The following XPO1 variants were observed in gnomAD, a reference collection of about 807,000 sequenced individuals.
The protein encoded by XPO1 is exportin 1.
XPO1 carries 5 observed loss-of-function variants against 133.3 expected under a neutral mutation model. The observed-to-expected ratio is 0.04, with a 90% CI of 0.02 to 0.08. The LOEUF is 0.08. Ranked by LOEUF, XPO1 falls within the 10% of genes least tolerant of loss-of-function variation. The probability of loss-of-function intolerance (pLI) is 1.00; values close to 1 mark genes in which losing one functional copy is unlikely to be tolerated. For synonymous variants in XPO1, 419 were observed against 408.2 expected, an observed-to-expected ratio of 1.03 and a Z score of -0.32; for missense variants, 506 against 1,267.5, an observed-to-expected ratio of 0.40 and a Z score of 9.12.
intron 4 of XPO1, among the ~76,000 whole-genome samples, chr2:61,513,423 T>C (rs1698196472): frequency 6.7e-6 from 1 of 149,666 alleles, no homozygotes; most frequent in Non-Finnish European, 1.5e-5. Context: ...TGGAGGGCAG[T>C]GGTGTGATCT....
chr2:61,533,625 C>A, intron 2 of XPO1, 147 bp downstream of exon 2: 1 of 1,021,144 alleles, frequency 9.8e-7, no homozygotes, highest in Non-Finnish European at 1.3e-6. Flanking sequence ...TTCTCCAAAC[C>A]AATTTTCATT....
chr2:61,484,249 C>T, intron 20 of XPO1, 144 bp from the exon 21 acceptor site: 3 of 653,806 alleles, frequency 4.6e-6, no homozygotes, highest in African/African-American at 1.8e-5. Context: ...AAAGGTAAAC[C>T]CAAGTAAAAT....
Position 61,492,023 on chromosome 2 carries a change from T to C in XPO1, c.1887+12A>G, listed in dbSNP as rs746211759. 1.2e-6 allele frequency: 2 copies of C among 1,614,026 alleles called. No individual in the cohort carries two copies. Among genetic ancestry groups the C allele is most frequent in the Admixed American group, 3.3e-5 (2 of 59,984 alleles). On this transcript the variant is annotated intron_variant, in intron 16 of 24. Coordinates refer to ENST00000401558, the MANE Select transcript of XPO1 (RefSeq NM_003400.4). The surrounding 1 kb of genome is among the most constrained non-coding windows in gnomAD (Gnocchi z 5.6). ...CTTTCTAAAAATAACATATGCTCAGTGCTTAACATACCTGTTGAGGCTGAA... is the reference window on the plus strand; with the variant it reads ...CTTTCTAAAAATAACATATGCTCAGCGCTTAACATACCTGTTGAGGCTGAA...
At chr2:61,525,498 C>G in intron 3 of XPO1, 2 of 1,009,622 alleles carry the variant, frequency 2.0e-6, no homozygotes, top group Non-Finnish European at 2.4e-6. Flanking sequence ...TTACCTGTTG[C>G]TTTCTTTCTG....
chr2:61,499,953 C>G (rs559106774), intron 6 of XPO1, 59 bp from the exon 7 acceptor site: 1 of 1,514,190 alleles, frequency 6.6e-7, no homozygotes, highest in Non-Finnish European at 9.0e-7. Flanking sequence ...ATAAAACAAA[C>G]TTCAAAGAAA....
At chr2:61,538,434 C>A, upstream of XPO1, 1 of 153,280 alleles carries the variant, frequency 6.5e-6, no homozygotes, top group Non-Finnish European at 1.5e-5. Context: ...CTCATTGGCC[C>A]GAGCGCCAGT....
intron 20 of XPO1, chr2:61,484,393 GTTT>G (rs1271817669): frequency 3.4e-6 from 1 of 289,876 alleles, no homozygotes; most frequent in Non-Finnish European, 6.4e-6. Context: ...TATCACTTTT[GTTT>G]TTAATTTGAA....
rs1699441632 is a variant in XPO1 at position 61,538,192 on chromosome 2, T to A, written c.-637A>T. On this transcript the variant is annotated 5_prime_UTR_variant, in exon 1 of 25. Transcript: ENST00000401558. ...CCGCCGGGGCTGTAGCTACTGTTGC[T>A]CTTGCTGATGCTGTAGCTCCCGCTG... 9.0e-6 allele frequency: 2 copies of A among 222,258 alleles called. No homozygotes were observed. The highest frequency in any genetic ancestry group is 1.8e-5 in the Non-Finnish European group (2 of 112,208). The allele number at this position is 222,258 out of a possible 1,614,324, so 13.8% of individuals were successfully genotyped here. A position where few individuals can be genotyped will look rare whatever the true frequency, so the allele number is the denominator to read the frequency against.
chr2:61,536,259 A>C (rs1558687690), intron 1 of XPO1: 1 of 152,246 alleles, frequency 6.6e-6, no homozygotes, highest in Non-Finnish European at 1.5e-5. Flanking sequence ...TGCCAAGCAC[A>C]TTTAGTCCCC....
chr2:61,514,438 AAAT>A (rs763985089), intron 4 of XPO1, among the ~76,000 whole-genome samples: 3 of 151,504 alleles, frequency 2.0e-5, no homozygotes, highest in Non-Finnish European at 4.4e-5. Flanking sequence ...TAAAAATACA[AAAT>A]AATTAGCTGG....
In XPO1 at chr2:61,488,141, AAAAGC is replaced by A; in HGVS notation, c.2313+19_2313+23del. 6.2e-7 allele frequency: 1 copy of A among 1,602,336 alleles called. No homozygotes were observed. The highest frequency in any genetic ancestry group is 8.6e-7 in the Non-Finnish European group (1 of 1,169,520). On this transcript the variant is annotated intron_variant, in intron 19 of 24. Coordinates refer to ENST00000401558, the MANE Select transcript of XPO1 (RefSeq NM_003400.4). The stretch of plus-strand genomic sequence containing the variant: ...AAACACAGCATCAACACTAGAAATC[AAAAGC>A]AAAGCATCTCTCACTTACCATCTGT...
Position 61,483,095 on chromosome 2 carries a change from A to G in XPO1, c.2678-4T>C, listed in dbSNP as rs749975898. On this transcript the variant is annotated splice_polypyrimidine_tract_variant and splice_region_variant and intron_variant, in intron 21 of 24. Transcript: ENST00000401558. ...AGTGTAAAAAGTATCTGTAAGCCTA[A>G]AAGACATAGAATACCAATGGAAAGT... 3 of 1,607,466 alleles carry G rather than the reference A, an allele frequency of 1.9e-6. No individual in the cohort carries two copies. Among genetic ancestry groups the G allele is most frequent in the Non-Finnish European group, 2.5e-6 (3 of 1,177,160 alleles).
At chr2:61,526,036 G>A (rs1015205718) in intron 3 of XPO1, 1 of 1,074,790 alleles carries the variant, frequency 9.3e-7, no homozygotes, top group Non-Finnish European at 1.1e-6. Flanking sequence ...GTTTTAAGCT[G>A]TCCACACAAC....
intron 4 of XPO1, among the ~76,000 whole-genome samples, chr2:61,513,026 C>A (rs1211294193): frequency 6.6e-6 from 1 of 152,022 alleles, no homozygotes; most frequent in East Asian, 1.9e-4. Flanking sequence ...TTGACCCTTA[C>A]CTCACCTCAT....
intron 4 of XPO1, among the ~76,000 whole-genome samples, chr2:61,507,410 CA>C (rs550931179): frequency 4.3e-4 from 66 of 151,868 alleles, no homozygotes; most frequent in African/African-American, 1.5e-3. Context: ...CCCATTTCCA[CA>C]AAAAATAAAA....
intron 20 of XPO1, 114 bp downstream of exon 20, chr2:61,485,654 A>G: frequency 1.0e-6 from 1 of 965,244 alleles, no homozygotes; most frequent in Non-Finnish European, 1.5e-6. Flanking sequence ...ACAAGTTTAA[A>G]TATTTAAACT....
intron 4 of XPO1, among the ~76,000 whole-genome samples, chr2:61,516,422 GT>G (rs979420195): frequency 2.6e-5 from 4 of 150,980 alleles, no homozygotes; most frequent in East Asian, 1.9e-4. Context: ...CCAAGTGTGG[GT>G]TTTTTTTTGA....
rs1265543758 is a variant in XPO1 at position 61,481,096 on chromosome 2, G to C, written c.3069+89C>G. ...TCTTGAAACCCCATTTATTTGGCAT[G>C]ACAAATCAAGTGATAAAAATTCTAC... On this transcript the variant is annotated intron_variant, in intron 24 of 24. Coordinates refer to ENST00000401558, the MANE Select transcript of XPO1 (RefSeq NM_003400.4). The C allele has an allele frequency of 7.7e-6, 6 of 774,838 alleles. No individual in the cohort carries two copies. The East Asian group carries it at 1.8e-4, about 23-fold the overall frequency. 48.0% of individuals were successfully genotyped at this position (774,838 alleles called of 1,614,324 possible).
At chr2:61,527,443 G>C (rs559519991) in intron 2 of XPO1, among the ~76,000 whole-genome samples, 1 of 152,138 alleles carries the variant, frequency 6.6e-6, no homozygotes, top group East Asian at 1.9e-4. Flanking sequence ...AGCTATGATG[G>C]TGCCACTACA....
Sources: allele counts gnomAD v4.1 joint callset (sites outside exome capture counted in the v4.1 genomes callset), GRCh38; gene constraint gnomAD v4.1.1; non-coding constraint Gnocchi (gnomAD v3.1); transcripts MANE v1.5; gene names NCBI Gene and HGNC (gene_info 2026-07-23, HGNC 2026-07-21).